The following FAM72A variants were observed in gnomAD, a reference collection of about 807,000 sequenced individuals.
The protein encoded by FAM72A is regulator of UNG2 and MKLN1 interacting yippee protein 1, also known as protein FAM72A.
Under a neutral mutation model 11.3 loss-of-function variants are expected in FAM72A, and 1 was observed. That is an observed-to-expected ratio of 0.09 (90% CI 0.03 to 0.42). The LOEUF (loss-of-function observed/expected upper bound fraction) is 0.42, where lower values mean the gene tolerates loss of function less well. Ranked by LOEUF, FAM72A falls within the 10% of genes least tolerant of loss-of-function variation. FAM72A has a pLI of 0.98. For missense variants in FAM72A, 15 were observed against 135.5 expected (o/e 0.11, Z 4.41); for synonymous variants, 5 against 46.9 (o/e 0.11, Z 3.65).
intron 3 of FAM72A, among the ~76,000 whole-genome samples, chr1:206,192,999 C>T (rs1229290088): frequency 4.6e-5 from 7 of 151,088 alleles, no homozygotes; most frequent in South Asian, 4.2e-4. Context: ...CCGCAACCTC[C>T]GCCTCCCGGG....
chr1:206,203,984 C>G, upstream of FAM72A: 1 of 1,263,482 alleles, frequency 7.9e-7, no homozygotes, highest in Non-Finnish European at 1.1e-6. Flanking sequence ...GTAGGGCAGT[C>G]GTCGTTGGCA....
chr1:206,198,429 G>A lies in FAM72A; in HGVS notation c.230+1378C>T, dbSNP rs1376722437. Among the ~76,000 whole-genome samples the A allele has an allele frequency of 2.0e-5, 3 of 147,366 alleles. No individual in the cohort carries two copies. In the East Asian group the frequency reaches 5.9e-4, roughly 29 times the overall value. On this transcript the variant is annotated intron_variant, in intron 2 of 3. Coordinates refer to ENST00000367128, the MANE Select transcript of FAM72A (RefSeq NM_001123168.3). Reference sequence around the variant, plus strand: ...CCAGTGACTTCATCTAGTTTTTGTTGTATTTCCAGCCCTTGTAACAATGAC... The same window carrying A: ...CCAGTGACTTCATCTAGTTTTTGTTATATTTCCAGCCCTTGTAACAATGAC...
At chr1:206,204,916 C>CT (rs1377905199), upstream of FAM72A, 2 of 139,914 alleles carry the variant, frequency 1.4e-5, no homozygotes, top group African/African-American at 6.0e-5. Context: ...TGCCCCCCCC[C>CT]CCATCAACAT....
At chr1:206,193,723 T>A (rs1409975705) in intron 3 of FAM72A, among the ~76,000 whole-genome samples, 2 of 151,768 alleles carry the variant, frequency 1.3e-5, no homozygotes, top group Non-Finnish European at 2.9e-5. Flanking sequence ...GCCTGTGCGC[T>A]GTCAATGAAA....
intron 3 of FAM72A, among the ~76,000 whole-genome samples, chr1:206,191,351 G>A: frequency 8.6e-6 from 1 of 115,656 alleles, no homozygotes; most frequent in East Asian, 2.6e-4. Context: ...ACTCACGTCT[G>A]TAATCCCATG....
chr1:206,187,525 T>G (rs550827560), intron 3 of FAM72A, 152 bp from the exon 4 acceptor site: 66 of 616,912 alleles, frequency 1.1e-4, no homozygotes, highest in Non-Finnish European at 1.9e-4. Flanking sequence ...CAAATAAAAT[T>G]ACCTAATATT....
chr1:206,191,741 T>G (rs1391003871), intron 3 of FAM72A, among the ~76,000 whole-genome samples: 2 of 145,928 alleles, frequency 1.4e-5, no homozygotes, highest in Non-Finnish European at 3.0e-5. Context: ...TTTTTTTTTT[T>G]TTTTGAGACA....
chr1:206,191,298 CA>C (rs147872269), intron 3 of FAM72A, among the ~76,000 whole-genome samples: 3,119 of 46,290 alleles, frequency 0.067, 242 homozygotes, highest in African/African-American at 0.29. Flanking sequence ...GACTCCATCT[CA>C]AAAAAAAAAA....
chr1:206,198,744 T>C (rs1467437234), intron 2 of FAM72A, among the ~76,000 whole-genome samples: 1 of 148,132 alleles, frequency 6.8e-6, no homozygotes, highest in Non-Finnish European at 1.5e-5. Flanking sequence ...CTTGATAAGG[T>C]AAACACAGAA....
At chr1:206,198,907 T>C (rs1302336044) in intron 2 of FAM72A, among the ~76,000 whole-genome samples, 1 of 63,700 alleles carries the variant, frequency 1.6e-5, no homozygotes, top group Non-Finnish European at 3.1e-5. Context: ...CTGTCTCTAC[T>C]AAAAAAAAAA....
At chr1:206,189,545 C>T (rs1432393014) in intron 3 of FAM72A, among the ~76,000 whole-genome samples, 1 of 128,834 alleles carries the variant, frequency 7.8e-6, no homozygotes, top group Non-Finnish European at 1.5e-5. Context: ...TAAGGAATTG[C>T]GAGGCAAAAA....
At chr1:206,203,615 G>A (rs1308326144), upstream of FAM72A, 1 of 599,724 alleles carries the variant, frequency 1.7e-6, no homozygotes, top group Non-Finnish European at 3.0e-6. Flanking sequence ...GTGGGAAGCG[G>A]AGCCGGGGGC....
intron 2 of FAM72A, among the ~76,000 whole-genome samples, chr1:206,198,114 A>T (rs1665165156): frequency 6.6e-6 from 1 of 151,208 alleles, no homozygotes; most frequent in South Asian, 2.1e-4. Flanking sequence ...CTGTAATCCT[A>T]GCACTTAGGG....
chr1:206,198,319 G>A (rs1350604737), intron 2 of FAM72A, among the ~76,000 whole-genome samples: 3 of 150,298 alleles, frequency 2.0e-5, no homozygotes, highest in East Asian at 3.9e-4. Flanking sequence ...AGCTGAGATC[G>A]TGCCACTGCA....
intron 2 of FAM72A, among the ~76,000 whole-genome samples, chr1:206,198,142 C>G (rs1665167005): frequency 1.3e-5 from 2 of 150,678 alleles, no homozygotes; most frequent in Admixed American, 1.3e-4. Flanking sequence ...GGCAGGCGGA[C>G]TGCCTGAGCT....
chr1:206,194,314 G>A (rs1301543080), intron 3 of FAM72A, among the ~76,000 whole-genome samples: 14 of 152,252 alleles, frequency 9.2e-5, no homozygotes, highest in Non-Finnish European at 1.9e-4. Context: ...GATGAGCAAA[G>A]AAAACGGTTT....
At chr1:206,205,091 G>A (rs1665788632), upstream of FAM72A, 3 of 151,916 alleles carry the variant, frequency 2.0e-5, no homozygotes, top group African/African-American at 7.2e-5. Context: ...CGGGGGCTAG[G>A]TCGGGAGGGC....
chr1:206,199,308 C>CT (rs1665244507), intron 2 of FAM72A, among the ~76,000 whole-genome samples: 1 of 150,006 alleles, frequency 6.7e-6, no homozygotes, highest in East Asian at 2.0e-4. Flanking sequence ...AGGAGAATCA[C>CT]TTGAGCCCAG....
At chr1:206,191,520 G>A (rs1664791979) in intron 3 of FAM72A, among the ~76,000 whole-genome samples, 1 of 150,956 alleles carries the variant, frequency 6.6e-6, no homozygotes. Flanking sequence ...GCTGAGGCAT[G>A]AGAATCGCTT....
Sources: gnomAD v4.1 joint callset for allele counts (sites outside exome capture counted in the v4.1 genomes callset) on GRCh38, gnomAD v4.1.1 for gene constraint, MANE v1.5 for transcripts, NCBI Gene and HGNC (gene_info 2026-07-23, HGNC 2026-07-21) for gene names.